The following WWOX variants were observed in gnomAD, a reference collection of about 807,000 sequenced individuals.
WWOX encodes the protein WW domain-containing oxidoreductase.
In WWOX, 69 loss-of-function variants were observed where a neutral mutation model predicts 46.2. The ratio of observed to expected loss-of-function variants is 1.49; its 90% confidence interval spans 1.23 to 1.82. The LOEUF is 1.82. Ranked by LOEUF, WWOX falls within the 40% of genes most tolerant of loss-of-function variation. The pLI, the probability that WWOX is intolerant of heterozygous loss-of-function variation, is 0.00. For synonymous variants in WWOX, 359 were observed against 202.6 expected (o/e 1.77, Z -6.56); for missense variants, 919 against 542.6 (o/e 1.69, Z -6.89).
chr16:78,892,703 C>T (rs975003293), intron 8 of WWOX, among the ~76,000 whole-genome samples: 8 of 152,198 alleles, frequency 5.3e-5, no homozygotes, highest in Non-Finnish European at 7.3e-5. Flanking sequence ...GTCTTTTGGG[C>T]AGGTGATTGT....
In WWOX at chr16:79,211,830, C is replaced by G. The variant is rs373152257; in HGVS notation, c.*34C>G. The G allele has an allele frequency of 1.2e-6, 2 of 1,613,102 alleles. No homozygotes were observed. Among genetic ancestry groups the G allele is most frequent in the African/African-American group, 2.7e-5 (2 of 75,064 alleles). ...CAGAGCGGATGGGCACACACACCCG[C>G]CCTGTGTGTGTCCCCTCACGCAAGT... On this transcript the variant is annotated 3_prime_UTR_variant, in exon 9 of 9. Transcript: ENST00000566780.
At position 78,773,237 on chromosome 16, in the gene WWOX, C is replaced by T. The variant is rs190991747; in HGVS notation, c.1056+340485C>T. On this transcript the variant is annotated intron_variant, in intron 8 of 8. Transcript: ENST00000566780. The stretch of plus-strand genomic sequence containing the variant: ...TATTTGTTCTATTAATAAGTAGAGC[C>T]CGAGTTTGTGTTCTCCGATTCCACA... Among the ~76,000 whole-genome samples the T allele has an allele frequency of 2.0e-5, 3 of 152,126 alleles. No homozygotes were observed. The East Asian group carries it at 5.8e-4, about 29-fold the overall frequency.
chr16:78,500,627 T>C (rs2085038070), intron 8 of WWOX, among the ~76,000 whole-genome samples: 1 of 152,158 alleles, frequency 6.6e-6, no homozygotes, highest in Admixed American at 6.5e-5. Context: ...CTCATTACAA[T>C]TTATAAAATG....
intron 8 of WWOX, among the ~76,000 whole-genome samples, chr16:78,631,853 G>A (rs1425066463): frequency 6.6e-6 from 1 of 152,172 alleles, no homozygotes; most frequent in Admixed American, 6.5e-5. Context: ...GTGATTAGAA[G>A]TAGGAGAAGC....
At chr16:78,885,532 T>G (rs2044436949) in intron 8 of WWOX, among the ~76,000 whole-genome samples, 1 of 152,226 alleles carries the variant, frequency 6.6e-6, no homozygotes, top group South Asian at 2.1e-4. Context: ...AAACTAATTA[T>G]GGGCAGATTG....
At chr16:78,422,670 TATATATATATATATAC>T (rs2082961730) in intron 6 of WWOX, among the ~76,000 whole-genome samples, 1 of 60,414 alleles carries the variant, frequency 1.7e-5, no homozygotes, top group Non-Finnish European at 3.1e-5. Flanking sequence ...CATGTATATA[TATATATATATATATAC>T]ACACACACAC....
At chr16:78,605,729 T>A (rs935698890) in intron 8 of WWOX, among the ~76,000 whole-genome samples, 1 of 152,132 alleles carries the variant, frequency 6.6e-6, no homozygotes, top group Non-Finnish European at 1.5e-5. Context: ...ATGATGAAAA[T>A]AGCCAGTTAT....
intron 8 of WWOX, among the ~76,000 whole-genome samples, chr16:78,937,641 A>T (rs181803920): frequency 2.7e-5 from 4 of 148,946 alleles, no homozygotes; most frequent in Non-Finnish European, 4.5e-5. Context: ...TTATTTATTT[A>T]TGAGACAAGG....
At chr16:78,716,718 A>G (rs116462147) in intron 8 of WWOX, among the ~76,000 whole-genome samples, 1,918 of 151,828 alleles carry the variant, frequency 0.013, 45 homozygotes, top group African/African-American at 0.043. Context: ...AGATTTTCTT[A>G]GAGGTGTGGA....
chr16:78,391,245 T>G (rs1409080780), intron 6 of WWOX, among the ~76,000 whole-genome samples: 1 of 152,214 alleles, frequency 6.6e-6, no homozygotes, highest in Non-Finnish European at 1.5e-5. Flanking sequence ...ACCATGATTA[T>G]GTAAACAATA....
At chr16:78,577,913 G>A (rs371057382) in intron 8 of WWOX, among the ~76,000 whole-genome samples, 3 of 152,010 alleles carry the variant, frequency 2.0e-5, no homozygotes, top group African/African-American at 4.8e-5. Context: ...GTGGTTTCTT[G>A]CTATCAGTTG....
chr16:78,776,855 T>C (rs2050202913), intron 8 of WWOX, among the ~76,000 whole-genome samples: 1 of 152,074 alleles, frequency 6.6e-6, no homozygotes, highest in South Asian at 2.1e-4. Context: ...GAACTCGCTA[T>C]GTCAAGAATA....
At chr16:78,820,930 C>T (rs1304482943) in intron 8 of WWOX, among the ~76,000 whole-genome samples, 1 of 152,182 alleles carries the variant, frequency 6.6e-6, no homozygotes, top group African/African-American at 2.4e-5. Context: ...ATCACCTTCT[C>T]CTCTGGCTTT....
chr16:79,208,381 CA>C (rs5818213), intron 8 of WWOX, among the ~76,000 whole-genome samples: 32,173 of 149,072 alleles, frequency 0.22, 3,720 homozygotes, highest in African/African-American at 0.28. Context: ...GATTGATTCT[CA>C]AAAAAAAAAA....
At chr16:78,679,763 C>G (rs118086388) in intron 8 of WWOX, among the ~76,000 whole-genome samples, 3 of 152,190 alleles carry the variant, frequency 2.0e-5, no homozygotes, top group South Asian at 4.1e-4. Flanking sequence ...GTCCAAACAT[C>G]TTCTCATTGA....
At chr16:78,654,108 A>C (rs551056847) in intron 8 of WWOX, among the ~76,000 whole-genome samples, 1 of 152,284 alleles carries the variant, frequency 6.6e-6, no homozygotes, top group African/African-American at 2.4e-5. Context: ...GTAGAGAGAA[A>C]CTCTCAAAGG....
chr16:78,350,489 C>G (rs2081164464), intron 5 of WWOX, among the ~76,000 whole-genome samples: 1 of 120,964 alleles, frequency 8.3e-6, no homozygotes, highest in Admixed American at 8.1e-5. Context: ...CAGGTAACCA[C>G]TCATCTACTT....
intron 8 of WWOX, among the ~76,000 whole-genome samples, chr16:78,982,961 A>G (rs1227036709): frequency 6.6e-6 from 1 of 152,154 alleles, no homozygotes; most frequent in Non-Finnish European, 1.5e-5. Context: ...ACTGTTTGCA[A>G]TGGGAGAAGC....
At chr16:78,280,028 C>G (rs1237654640) in intron 5 of WWOX, among the ~76,000 whole-genome samples, 1 of 152,262 alleles carries the variant, frequency 6.6e-6, no homozygotes, top group East Asian at 1.9e-4. Flanking sequence ...CAAAATCACT[C>G]TGTTCTCACC....
Sources: allele counts gnomAD v4.1 joint callset (sites outside exome capture counted in the v4.1 genomes callset), GRCh38; gene constraint gnomAD v4.1.1; transcripts MANE v1.5; gene names NCBI Gene and HGNC (gene_info 2026-07-23, HGNC 2026-07-21).